Variants in ERC2 observed in about 807,000 individuals in gnomAD.
The protein encoded by ERC2 is ELKS/RAB6-interacting/CAST family member 2, also known as ERC protein 2.
In ERC2, 42 loss-of-function variants were observed where a neutral mutation model predicts 114.8. The ratio of observed to expected loss-of-function variants is 0.37; its 90% CI spans 0.29 to 0.47. ERC2 has a LOEUF of 0.47. Among genes scored for constraint, ERC2 ranks in the 20% least tolerant of loss-of-function variants. The pLI is 0.99. For missense variants in ERC2, 939 were observed against 1,150.7 expected, an observed-to-expected ratio of 0.82 and a Z score of 2.66; for synonymous variants, 454 against 425.5, an observed-to-expected ratio of 1.07 and a Z score of -0.82.
chr3:55,940,695 C>CA (rs896739672), intron 13 of ERC2, among the ~76,000 whole-genome samples: 15 of 152,040 alleles, frequency 9.9e-5, no homozygotes, highest in Non-Finnish European at 2.1e-4. Flanking sequence ...GCCTAGCACA[C>CA]AAAAAAGTCC....
chr3:55,914,633 C>T, intron 13 of ERC2, among the ~76,000 whole-genome samples: 1 of 152,312 alleles, frequency 6.6e-6, no homozygotes, highest in East Asian at 1.9e-4. Context: ...ATGCAAGTGA[C>T]CTACTGGCTA....
At chr3:55,943,522 T>A (rs62253709) in intron 13 of ERC2, among the ~76,000 whole-genome samples, 2 of 82,464 alleles carry the variant, frequency 2.4e-5, no homozygotes, top group Non-Finnish European at 5.8e-5. Context: ...ACTCTCAAGC[T>A]TTTGGTACCT....
At chr3:56,353,165 C>T (rs1410432351) in intron 2 of ERC2, among the ~76,000 whole-genome samples, 1 of 151,982 alleles carries the variant, frequency 6.6e-6, no homozygotes, top group Non-Finnish European at 1.5e-5. Flanking sequence ...GTTAGAAACC[C>T]TTAGACCTGC....
intron 13 of ERC2, among the ~76,000 whole-genome samples, chr3:55,894,889 T>C (rs1250420093): frequency 6.6e-6 from 1 of 152,222 alleles, no homozygotes; most frequent in African/African-American, 2.4e-5. Context: ...TATCAACTCT[T>C]TCTAATACAG....
At chr3:55,581,453 G>A (rs1479634731) in intron 17 of ERC2, among the ~76,000 whole-genome samples, 1 of 152,174 alleles carries the variant, frequency 6.6e-6, no homozygotes, top group Non-Finnish European at 1.5e-5. Flanking sequence ...GAGTTACCCA[G>A]AGGTGAGGTC....
At chr3:55,833,490 T>A (rs1046651044) in intron 14 of ERC2, among the ~76,000 whole-genome samples, 3 of 152,220 alleles carry the variant, frequency 2.0e-5, no homozygotes, top group African/African-American at 4.8e-5. Context: ...CAACCCAGAA[T>A]TTCATATCCA....
At chr3:55,809,834 C>T (rs1229345926) in intron 14 of ERC2, among the ~76,000 whole-genome samples, 1 of 152,126 alleles carries the variant, frequency 6.6e-6, no homozygotes, top group African/African-American at 2.4e-5. Flanking sequence ...AGGGAAAATG[C>T]ATGTATCAAG....
chr3:55,799,305 C>A (rs1016148298), intron 14 of ERC2, among the ~76,000 whole-genome samples: 8 of 151,062 alleles, frequency 5.3e-5, no homozygotes, highest in African/African-American at 1.5e-4. Context: ...AGGATAGAAA[C>A]ATTGTGTGTG....
At chr3:56,229,823 T>C (rs2050491280) in intron 3 of ERC2, among the ~76,000 whole-genome samples, 1 of 150,784 alleles carries the variant, frequency 6.6e-6, no homozygotes, top group Non-Finnish European at 1.5e-5. Flanking sequence ...CTAAAAACTC[T>C]ATAGGTTAGA....
At chr3:56,346,154 GT>G (rs2058298939) in intron 2 of ERC2, among the ~76,000 whole-genome samples, 1 of 152,132 alleles carries the variant, frequency 6.6e-6, no homozygotes, top group Non-Finnish European at 1.5e-5. Context: ...AAGGAATTCA[GT>G]GTAACACTTT....
chr3:56,204,476 C>CTTTTATTTTATTTTA (rs11267334), intron 3 of ERC2, among the ~76,000 whole-genome samples: 48,632 of 132,584 alleles, frequency 0.37, 9,956 homozygotes, highest in Middle Eastern at 0.48. Context: ...TAATTAGATG[C>CTTTTATTTTATTTTA]TTTTATTTTA....
intron 17 of ERC2, among the ~76,000 whole-genome samples, chr3:55,513,622 G>A (rs1369706083): frequency 6.6e-6 from 1 of 150,454 alleles, no homozygotes; most frequent in Non-Finnish European, 1.5e-5. Context: ...GTGCATGTAT[G>A]TATATATATA....
At chr3:55,999,391 C>T (rs928425721) in intron 10 of ERC2, among the ~76,000 whole-genome samples, 1 of 152,010 alleles carries the variant, frequency 6.6e-6, no homozygotes, top group African/African-American at 2.4e-5. Context: ...AGGTTCCTTT[C>T]GACCCTAGAA....
intron 14 of ERC2, among the ~76,000 whole-genome samples, chr3:55,755,756 T>C (rs779901341): frequency 4.6e-5 from 7 of 152,158 alleles, no homozygotes; most frequent in Non-Finnish European, 1.0e-4. Flanking sequence ...CTAAAAATGT[T>C]GTAACAATGT....
intron 17 of ERC2, among the ~76,000 whole-genome samples, chr3:55,596,391 G>T (rs917153629): frequency 6.6e-6 from 1 of 152,074 alleles, no homozygotes; most frequent in East Asian, 1.9e-4. Context: ...AGACCAGCCT[G>T]GGCAACATAG....
chr3:56,454,660 G>A (rs954368850), intron 1 of ERC2, among the ~76,000 whole-genome samples: 3 of 152,034 alleles, frequency 2.0e-5, no homozygotes, highest in African/African-American at 7.2e-5. Flanking sequence ...GACCAGCATG[G>A]CCAACATGGC....
chr3:55,773,645 G>A (rs374348163), intron 14 of ERC2, among the ~76,000 whole-genome samples: 3 of 152,300 alleles, frequency 2.0e-5, no homozygotes, highest in African/African-American at 7.2e-5. Context: ...CATCCGGAAT[G>A]GTGCTGCGCA....
intron 17 of ERC2, among the ~76,000 whole-genome samples, chr3:55,524,069 C>G (rs975187982): frequency 6.6e-6 from 1 of 152,188 alleles, no homozygotes; most frequent in African/African-American, 2.4e-5. Flanking sequence ...TCTAACCTCT[C>G]CAGGTGGTTG....
intron 16 of ERC2, among the ~76,000 whole-genome samples, chr3:55,690,565 G>A (rs192947246): frequency 6.6e-6 from 1 of 152,136 alleles, no homozygotes; most frequent in African/African-American, 2.4e-5. Context: ...TTGACTCAAA[G>A]GATACTGCAA....
Sources: gnomAD v4.1 joint callset for allele counts (sites outside exome capture counted in the v4.1 genomes callset) on GRCh38, gnomAD v4.1.1 for gene constraint, MANE v1.5 for transcripts, NCBI Gene and HGNC (gene_info 2026-07-23, HGNC 2026-07-21) for gene names.